AXIN1: variants seen among roughly 807,000 people sequenced by gnomAD.
AXIN1 encodes axin-1.
Under a neutral mutation model 76.4 loss-of-function variants are expected in AXIN1, and 30 were observed. The ratio of observed to expected loss-of-function variants is 0.39; its 90% CI spans 0.29 to 0.53. The LOEUF (loss-of-function observed/expected upper bound fraction) is 0.53, where lower values mean the gene tolerates loss of function less well. AXIN1 is among the 20% of genes least tolerant of loss of function. The pLI, the probability that AXIN1 is intolerant of heterozygous loss-of-function variation, is 0.66. For synonymous variants in AXIN1, 545 were observed against 501.4 expected (o/e 1.09, Z -1.16); for missense variants, 1,140 against 1,198.8 (o/e 0.95, Z 0.72).
At chr16:351,802 A>G (rs904258566) in intron 1 of AXIN1, among the ~76,000 whole-genome samples, 1 of 151,924 alleles carries the variant, frequency 6.6e-6, no homozygotes, top group Admixed American at 6.6e-5. Context: ...GAGAACTGAC[A>G]TGTTTTTCTC....
chr16:338,487 G>A (rs531594972), intron 2 of AXIN1, among the ~76,000 whole-genome samples: 43 of 152,362 alleles, frequency 2.8e-4, no homozygotes, highest in Admixed American at 1.0e-3. Flanking sequence ...GGGGCCTCTC[G>A]GTTCCAGAAT....
At chr16:349,360 G>GA (rs1280090921) in intron 1 of AXIN1, among the ~76,000 whole-genome samples, 1 of 152,140 alleles carries the variant, frequency 6.6e-6, no homozygotes, top group East Asian at 1.9e-4. Flanking sequence ...CATCAGCATG[G>GA]AGGGAGCACC....
At chr16:341,315 G>A (rs1024512434) in intron 2 of AXIN1, among the ~76,000 whole-genome samples, 1 of 152,266 alleles carries the variant, frequency 6.6e-6, no homozygotes, top group African/African-American at 2.4e-5. Context: ...AGGCCAGCTG[G>A]AGTCCCGGGT....
At chr16:323,037 C>T (rs535465039) in intron 2 of AXIN1, among the ~76,000 whole-genome samples, 124 of 152,294 alleles carry the variant, frequency 8.1e-4, no homozygotes, top group African/African-American at 2.9e-3. Flanking sequence ...GCCTGAAATC[C>T]CAGCACTTGG....
intron 2 of AXIN1, among the ~76,000 whole-genome samples, chr16:333,319 C>T (rs1051326085): frequency 4.0e-5 from 6 of 150,410 alleles, no homozygotes; most frequent in Non-Finnish European, 7.4e-5. Flanking sequence ...GCAACAAGAG[C>T]GAAATTCCAT....
chr16:323,869 A>G (rs1210151949), intron 2 of AXIN1, among the ~76,000 whole-genome samples: 2 of 152,154 alleles, frequency 1.3e-5, no homozygotes, highest in Non-Finnish European at 2.9e-5. Flanking sequence ...GAGCATAAGC[A>G]CAGGTCTTCA....
intron 2 of AXIN1, among the ~76,000 whole-genome samples, chr16:324,767 C>T (rs989647237): frequency 2.0e-5 from 3 of 152,160 alleles, no homozygotes; most frequent in Non-Finnish European, 4.4e-5. Flanking sequence ...ATCCCGACCC[C>T]CCGGAACAGC....
chr16:341,539 C>T (rs553564229), intron 2 of AXIN1, among the ~76,000 whole-genome samples: 320 of 152,348 alleles, frequency 2.1e-3, no homozygotes, highest in African/African-American at 6.9e-3. Flanking sequence ...CATGCCTAAG[C>T]CCCCCACCCC....
At chr16:341,375 CG>C (rs2053916418) in intron 2 of AXIN1, among the ~76,000 whole-genome samples, 1 of 152,246 alleles carries the variant, frequency 6.6e-6, no homozygotes, top group African/African-American at 2.4e-5. Context: ...CCAGCCCTGC[CG>C]GCCGCGGGCA....
In AXIN1 at chr16:288,022, T is replaced by C. The variant is rs1217158869; in HGVS notation, c.*100A>G. ...CAGGGATGGGTGGTACACCCAACAC[T>C]GTTCCCCATCGGGCTCCTGAGTACG... On this transcript the variant is annotated 3_prime_UTR_variant, in exon 11 of 11. Coordinates refer to ENST00000262320, the MANE Select transcript of AXIN1 (RefSeq NM_003502.4). 2 of 1,586,854 alleles carry C rather than the reference T, an allele frequency of 1.3e-6. No individual in the cohort carries two copies. The highest frequency in any genetic ancestry group is 1.3e-5 in the African/African-American group (1 of 74,534).
At chr16:345,190 C>G (rs1212201779) in intron 2 of AXIN1, among the ~76,000 whole-genome samples, 1 of 152,142 alleles carries the variant, frequency 6.6e-6, no homozygotes, top group Non-Finnish European at 1.5e-5. Context: ...TCTGCTCCCT[C>G]CCAGGCAACA....
intron 2 of AXIN1, among the ~76,000 whole-genome samples, chr16:339,671 G>C (rs1331283866): frequency 6.6e-6 from 1 of 150,808 alleles, no homozygotes; most frequent in Non-Finnish European, 1.5e-5. Context: ...GACAGAGCAA[G>C]ACTGTCTAAA....
At chr16:338,437 C>G (rs2053850258) in intron 2 of AXIN1, among the ~76,000 whole-genome samples, 1 of 152,248 alleles carries the variant, frequency 6.6e-6, no homozygotes, top group Non-Finnish European at 1.5e-5. Context: ...CCTTTCACAA[C>G]CCACCCACAC....
chr16:310,566 T>G (rs1169350882), intron 3 of AXIN1, among the ~76,000 whole-genome samples: 1 of 152,128 alleles, frequency 6.6e-6, no homozygotes, highest in Non-Finnish European at 1.5e-5. Flanking sequence ...CCAGCTAATT[T>G]TTTTGTATTT....
chr16:307,143 G>T (rs1045774802), intron 4 of AXIN1, among the ~76,000 whole-genome samples: 1 of 152,200 alleles, frequency 6.6e-6, no homozygotes, highest in Non-Finnish European at 1.5e-5. Context: ...ACGCGCTTAT[G>T]GTCTGAACAG....
rs569410558 is a variant in AXIN1 at position 317,205 on chromosome 16, G to A, written c.879-2522C>T. Among the ~76,000 whole-genome samples the A allele has an allele frequency of 3.5e-3, 528 of 152,326 alleles. 3 individuals carry two copies. Among genetic ancestry groups the A allele is most frequent in the South Asian group, 0.012 (60 of 4,826 alleles). ...AGGCAGCCCAGCACCTTGGACTCTG[G>A]TGACATGGGATGCCTGGGGAGATGA... On this transcript the variant is annotated intron_variant, in intron 2 of 10. Transcript: ENST00000262320.
intron 2 of AXIN1, among the ~76,000 whole-genome samples, chr16:320,005 T>C (rs2053403289): frequency 1.3e-5 from 2 of 152,130 alleles, no homozygotes; most frequent in African/African-American, 4.8e-5. Flanking sequence ...TACAGTTCTT[T>C]CATTGGTTCC....
At chr16:294,997 A>G (rs926086081) in intron 7 of AXIN1, among the ~76,000 whole-genome samples, 3 of 141,604 alleles carry the variant, frequency 2.1e-5, no homozygotes, top group Non-Finnish European at 3.1e-5. Context: ...CCGGGAGGCG[A>G]GGCTTGCAGT....
intron 5 of AXIN1, among the ~76,000 whole-genome samples, chr16:302,110 G>A (rs1048796872): frequency 6.6e-6 from 1 of 152,220 alleles, no homozygotes; most frequent in Admixed American, 6.5e-5. Flanking sequence ...GGAAGCAAGC[G>A]AGCCGCTCCA....
Sources: allele counts gnomAD v4.1 joint callset (sites outside exome capture counted in the v4.1 genomes callset), GRCh38; gene constraint gnomAD v4.1.1; transcripts MANE v1.5; gene names NCBI Gene and HGNC (gene_info 2026-07-23, HGNC 2026-07-21).